SIRPG: variants seen among roughly 807,000 people sequenced by gnomAD.
The protein encoded by SIRPG is signal regulatory protein gamma.
A neutral mutation model predicts 35.7 loss-of-function variants in SIRPG; 38 were observed. The ratio of observed to expected loss-of-function variants is 1.06; its 90% CI spans 0.82 to 1.40. SIRPG has a LOEUF of 1.40. SIRPG is among the 40% of genes most tolerant of loss of function. The probability of loss-of-function intolerance (pLI) is 0.00; values close to 1 mark genes in which losing one functional copy is unlikely to be tolerated. For synonymous variants in SIRPG, 215 were observed against 190.4 expected (o/e 1.13, Z -1.06); for missense variants, 519 against 483.0 (o/e 1.07, Z -0.70).
chr20:1,634,972 G>A (rs891510979), intron 4 of SIRPG, among the ~76,000 whole-genome samples: 17 of 151,956 alleles, frequency 1.1e-4, no homozygotes, highest in Middle Eastern at 3.4e-3. Context: ...GAACCCGGGA[G>A]GCGGAGCTTG....
At chr20:1,639,991 G>T (rs551380557) in intron 2 of SIRPG, among the ~76,000 whole-genome samples, 1 of 152,138 alleles carries the variant, frequency 6.6e-6, no homozygotes, top group African/African-American at 2.4e-5. Context: ...TGTCTGTCTT[G>T]GTACAAGTAC....
At chr20:1,662,230 G>A (rs1322807687), upstream of SIRPG, among the ~76,000 whole-genome samples, 2 of 152,188 alleles carry the variant, frequency 1.3e-5, no homozygotes, top group South Asian at 4.1e-4. Flanking sequence ...AACCAGTGCC[G>A]GGGAAGGAAA....
chr20:1,640,137 G>GT (rs1049888606), intron 2 of SIRPG, among the ~76,000 whole-genome samples: 4 of 151,672 alleles, frequency 2.6e-5, no homozygotes, highest in East Asian at 1.9e-4. Flanking sequence ...ATTTAATGTA[G>GT]TTTTTTTTCT....
the SIRPG span, among the ~76,000 whole-genome samples, chr20:1,672,542 A>T: frequency 3.9e-5 from 6 of 152,280 alleles, no homozygotes; most frequent in African/African-American, 1.2e-4. Context: ...GTAACCAATG[A>T]AAACAGGTTT....
the SIRPG span, among the ~76,000 whole-genome samples, chr20:1,664,195 A>G: frequency 6.6e-6 from 1 of 152,158 alleles, no homozygotes; most frequent in African/African-American, 2.4e-5. Flanking sequence ...TGCCCCCATG[A>G]CTCAAACACC....
intron 1 of SIRPG, among the ~76,000 whole-genome samples, chr20:1,649,629 C>CTTTTTTTTTTT (rs35561366): frequency 1.2e-4 from 9 of 75,788 alleles, no homozygotes; most frequent in African/African-American, 5.1e-4. Flanking sequence ...CAGAGAGGTT[C>CTTTTTTTTTTT]TTTTTTTTTT....
chr20:1,671,985 G>T, the SIRPG span, among the ~76,000 whole-genome samples: 2 of 152,152 alleles, frequency 1.3e-5, no homozygotes, highest in Non-Finnish European at 2.9e-5. Context: ...GGCCAGTTTT[G>T]GGGCCAGTTT....
chr20:1,643,626 G>A (rs1371721002), intron 2 of SIRPG, among the ~76,000 whole-genome samples: 3 of 152,166 alleles, frequency 2.0e-5, no homozygotes, highest in Admixed American at 6.5e-5. Flanking sequence ...GAGACTCATT[G>A]CGATCATTTG....
chr20:1,649,279 C>T lies in SIRPG; in HGVS notation c.203G>A (p.Arg68Lys), dbSNP rs2091921283. 6.2e-7 allele frequency: 1 copy of T among 1,614,028 alleles called. No individual in the cohort carries two copies. Among genetic ancestry groups the T allele is most frequent in the Non-Finnish European group, 8.5e-7 (1 of 1,180,032 alleles). Residue 68 changes from arginine (R) to lysine (K), a missense_variant, in exon 2 of 6, where the codon AGA becomes AAA. Transcript: ENST00000303415. ...LLPVGPVLWFRGVGPGRELIY... is the reference protein window; with the variant it reads ...LLPVGPVLWFKGVGPGRELIY... Reference sequence around the variant, plus strand: ...TAATTCCCGGCCTGGTCCAACTCCTCTGAACCACAGGACGGGTCCCACGGG... The same window carrying T: ...TAATTCCCGGCCTGGTCCAACTCCTTTGAACCACAGGACGGGTCCCACGGG...
chr20:1,683,135 G>T, the SIRPG span, among the ~76,000 whole-genome samples: 3 of 152,102 alleles, frequency 2.0e-5, no homozygotes, highest in Non-Finnish European at 4.4e-5. Context: ...TGGCCAGCAG[G>T]CATATAAAAA....
At chr20:1,682,435 C>A in the SIRPG span, among the ~76,000 whole-genome samples, 1 of 152,050 alleles carries the variant, frequency 6.6e-6, no homozygotes, top group Non-Finnish European at 1.5e-5. Flanking sequence ...TCAACACAGG[C>A]CCCAAAAATG....
At chr20:1,640,192 G>A (rs1006190847) in intron 2 of SIRPG, among the ~76,000 whole-genome samples, 1 of 151,966 alleles carries the variant, frequency 6.6e-6, no homozygotes, top group African/African-American at 2.4e-5. Flanking sequence ...GAATAGCACT[G>A]AATCTATAAA....
At position 1,649,098 on chromosome 20, in the gene SIRPG, C is replaced by T. The variant is rs746685702; in HGVS notation, c.384G>A (p.Glu128=). ...CTGGTCCAGACTTAAACTCCACGTT[C>T]TCAGGGCTCCCTTTTCGAAACTTCA... ...YCVKFRKGSP[E]NVEFKSGPGT... The change falls in exon 2 of 6, where the codon GAG becomes GAA. Residue 128 remains glutamate, a synonymous_variant. Transcript: ENST00000303415. 19 of 1,613,828 alleles carry T rather than the reference C, an allele frequency of 1.2e-5. No individual in the cohort carries two copies. In the South Asian group the frequency reaches 2.0e-4, roughly 17 times the overall value.
At chr20:1,647,491 G>A (rs1212050737) in intron 2 of SIRPG, 1 of 152,170 alleles carries the variant, frequency 6.6e-6, no homozygotes, top group East Asian at 1.9e-4. Context: ...ATCTAGGAGG[G>A]AAATTAGATA....
At chr20:1,673,574 A>AC in the SIRPG span, among the ~76,000 whole-genome samples, 1 of 152,136 alleles carries the variant, frequency 6.6e-6, no homozygotes, top group African/African-American at 2.4e-5. Flanking sequence ...GAGCAGAAAC[A>AC]CCGAGAAAAG....
chr20:1,683,202 A>G, the SIRPG span, among the ~76,000 whole-genome samples: 7 of 152,376 alleles, frequency 4.6e-5, no homozygotes, highest in African/African-American at 1.7e-4. Flanking sequence ...GTGAGGTATC[A>G]TCTCACACCT....
At chr20:1,642,942 T>C (rs2091865790) in intron 2 of SIRPG, among the ~76,000 whole-genome samples, 1 of 152,222 alleles carries the variant, frequency 6.6e-6, no homozygotes, top group Non-Finnish European at 1.5e-5. Context: ...AGTTGTTCTG[T>C]TAGTCTGATG....
chr20:1,668,203 C>CTTTTCTTTTCTTTTCT, the SIRPG span, among the ~76,000 whole-genome samples: 1 of 25,004 alleles, frequency 4.0e-5, no homozygotes, highest in African/African-American at 1.3e-4. Flanking sequence ...CTTTTCTTTT[C>CTTTTCTTTTCTTTTCT]TTTCTTTCTT....
At chr20:1,630,192 C>T in intron 5 of SIRPG, 30 bp downstream of exon 5, 1 of 1,512,168 alleles carries the variant, frequency 6.6e-7, no homozygotes, top group Non-Finnish European at 9.0e-7. Context: ...TGAGACAGCC[C>T]TTGGTCTGTC....
Sources: gnomAD v4.1 joint callset for allele counts (sites outside exome capture counted in the v4.1 genomes callset) on GRCh38, gnomAD v4.1.1 for gene constraint, MANE v1.5 for transcripts, NCBI Gene and HGNC (gene_info 2026-07-23, HGNC 2026-07-21) for gene names.